Variants in RIPOR2 observed in about 807,000 individuals in gnomAD.
The protein encoded by RIPOR2 is rho family-interacting cell polarization regulator 2.
A neutral mutation model predicts 114.5 loss-of-function variants in RIPOR2; 39 were observed. The ratio of observed to expected loss-of-function variants is 0.34; its 90% CI spans 0.26 to 0.44. RIPOR2 has a LOEUF of 0.44. Ranked by LOEUF, RIPOR2 falls within the 20% of genes least tolerant of loss-of-function variation. The pLI is 1.00. For synonymous variants in RIPOR2, 445 were observed against 484.4 expected, an observed-to-expected ratio of 0.92 and a Z score of 1.07; for missense variants, 1,007 against 1,255.1, an observed-to-expected ratio of 0.80 and a Z score of 2.99.
intron 1 of RIPOR2, chr6:24,877,355 G>A (rs779365064): frequency 4.1e-6 from 4 of 985,266 alleles, no homozygotes; most frequent in Non-Finnish European, 4.8e-6. Flanking sequence ...GCATTCTTGC[G>A]AGGTACAGGT....
intron 21 of RIPOR2, among the ~76,000 whole-genome samples, chr6:24,808,758 T>G (rs1780936124): frequency 1.5e-5 from 1 of 68,922 alleles, no homozygotes; most frequent in South Asian, 9.2e-4. Context: ...ATTTATACTT[T>G]TTTCTTTTTT....
rs1475213008 is a variant in RIPOR2, at chr6:25,034,102, A to ATG, written c.76+7748_76+7749insCA. 1.1e-4 allele frequency among the ~76,000 whole-genome samples: 17 copies of ATG among 151,454 alleles called. No homozygotes were observed. In the East Asian group the frequency reaches 2.7e-3, roughly 24 times the overall value. ...AACTACAAAAAGGTTTTATATATAT[A>ATG]TATATTTAGTATATTTTACAAAAGA... On this transcript the variant is annotated intron_variant, in intron 1 of 13. Transcript: ENST00000510784.
At chr6:24,956,702 G>A (rs2114213043) in intron 1 of RIPOR2, among the ~76,000 whole-genome samples, 1 of 152,274 alleles carries the variant, frequency 6.6e-6, no homozygotes, top group South Asian at 2.1e-4. Context: ...AGAGGCTGGA[G>A]TTTTAATAAC....
At chr6:24,836,873 G>A (rs575966076) in intron 14 of RIPOR2, among the ~76,000 whole-genome samples, 8 of 151,892 alleles carry the variant, frequency 5.3e-5, no homozygotes, top group African/African-American at 1.9e-4. Context: ...TAATACTTCT[G>A]ATGACATATA....
At chr6:24,958,870 A>G (rs1773166195) in intron 1 of RIPOR2, among the ~76,000 whole-genome samples, 1 of 150,748 alleles carries the variant, frequency 6.6e-6, no homozygotes, top group Non-Finnish European at 1.5e-5. Flanking sequence ...AATCCCTTCC[A>G]TGCCTCCTCT....
chr6:25,001,054 A>C (rs951747834), intron 1 of RIPOR2, among the ~76,000 whole-genome samples: 1 of 152,188 alleles, frequency 6.6e-6, no homozygotes, highest in African/African-American at 2.4e-5. Context: ...GAATTCAATT[A>C]ATCTGGTGCA....
chr6:24,973,316 T>C (rs148133381), intron 1 of RIPOR2, among the ~76,000 whole-genome samples: 1 of 152,148 alleles, frequency 6.6e-6, no homozygotes, highest in Non-Finnish European at 1.5e-5. Context: ...AACATCATCC[T>C]TCTAGGCTGG....
At chr6:24,879,303 G>A (rs528682855) in intron 1 of RIPOR2, among the ~76,000 whole-genome samples, 8 of 152,266 alleles carry the variant, frequency 5.3e-5, no homozygotes, top group East Asian at 3.9e-4. Context: ...AGGAGATCGC[G>A]CCACTGTACT....
chr6:24,906,191 C>T (rs1232219245), intron 1 of RIPOR2, among the ~76,000 whole-genome samples: 1 of 152,170 alleles, frequency 6.6e-6, no homozygotes, highest in Non-Finnish European at 1.5e-5. Flanking sequence ...TTCCTACCTT[C>T]AGTCTAGATC....
At chr6:24,956,256 ATC>A (rs1773039475) in intron 1 of RIPOR2, among the ~76,000 whole-genome samples, 1 of 152,176 alleles carries the variant, frequency 6.6e-6, no homozygotes, top group Non-Finnish European at 1.5e-5. Context: ...TATCTCATAA[ATC>A]TCTTTTTCCC....
Position 24,840,106 on chromosome 6 carries a change from C to T in RIPOR2, c.1858-834G>A, listed in dbSNP as rs1761539887. On this transcript the variant is annotated intron_variant, in intron 13 of 21. Coordinates refer to ENST00000643898, the MANE Select transcript of RIPOR2 (RefSeq NM_001286445.3). Reference sequence around the variant, plus strand: ...CTGAGACCACAGGCATGTGCCACCACACCAGGCTAATTTTTTTCTTTTATT... The same window carrying T: ...CTGAGACCACAGGCATGTGCCACCATACCAGGCTAATTTTTTTCTTTTATT... 3 of 698,620 alleles carry T rather than the reference C, an allele frequency of 4.3e-6. No homozygotes were observed. In the Admixed American group the frequency reaches 1.8e-4, roughly 42 times the overall value. 43.3% of individuals were successfully genotyped at this position (698,620 alleles called of 1,614,324 possible). A position where few individuals can be genotyped will look rare whatever the true frequency, so the allele number is the denominator to read the frequency against.
chr6:25,011,825 T>C (rs1311160206), intron 1 of RIPOR2, among the ~76,000 whole-genome samples: 2 of 152,204 alleles, frequency 1.3e-5, no homozygotes, highest in African/African-American at 4.8e-5. Context: ...CGTTATGTAA[T>C]GATTTCTTAG....
At chr6:24,974,319 G>A (rs774003577) in intron 1 of RIPOR2, among the ~76,000 whole-genome samples, 3 of 152,142 alleles carry the variant, frequency 2.0e-5, no homozygotes, top group African/African-American at 4.8e-5. Context: ...GCAGTGAGCC[G>A]TGATCGTGCC....
At chr6:24,893,394 T>G (rs1446071982) in intron 1 of RIPOR2, among the ~76,000 whole-genome samples, 1 of 152,168 alleles carries the variant, frequency 6.6e-6, no homozygotes, top group East Asian at 1.9e-4. Flanking sequence ...TTACCCCCTT[T>G]ATGGAGCACT....
intron 1 of RIPOR2, among the ~76,000 whole-genome samples, chr6:25,012,214 G>C (rs1775802017): frequency 6.6e-6 from 1 of 152,136 alleles, no homozygotes. Context: ...AAAAAAGATA[G>C]ATAATATAAT....
chr6:25,006,599 C>T lies in RIPOR2; in HGVS notation c.76+35252G>A, dbSNP rs539537695. 8.5e-4 allele frequency among the ~76,000 whole-genome samples: 130 copies of T among 152,282 alleles called. 1 individual carries two copies. The highest frequency in any genetic ancestry group is 2.9e-3 in the African/African-American group (122 of 41,552). On this transcript the variant is annotated intron_variant, in intron 1 of 13. Coordinates refer to the RIPOR2 transcript ENST00000510784. ...TCTGTTCTTTTTTTGAAGAGTTCAT[C>T]CCCTGTGTCCTCCAGGCACAGGTGA...
intron 1 of RIPOR2, among the ~76,000 whole-genome samples, chr6:24,933,088 T>C (rs1771526488): frequency 6.6e-6 from 1 of 152,210 alleles, no homozygotes; most frequent in Admixed American, 6.5e-5. Context: ...TAACAACTTG[T>C]TCAGTGCTAT....
chr6:24,918,128 G>T (rs922583869), intron 1 of RIPOR2, among the ~76,000 whole-genome samples: 1 of 152,188 alleles, frequency 6.6e-6, no homozygotes, highest in South Asian at 2.1e-4. Flanking sequence ...AACAGGAGAT[G>T]AAAGTGAGGT....
intron 1 of RIPOR2, among the ~76,000 whole-genome samples, chr6:24,993,480 T>C (rs1403190437): frequency 1.3e-5 from 2 of 152,286 alleles, no homozygotes; most frequent in African/African-American, 2.4e-5. Flanking sequence ...AGTGTCATTA[T>C]GTGTGAGATG....
Sources: gnomAD v4.1 joint callset for allele counts (sites outside exome capture counted in the v4.1 genomes callset) on GRCh38, gnomAD v4.1.1 for gene constraint, MANE v1.5 for transcripts, NCBI Gene and HGNC (gene_info 2026-07-23, HGNC 2026-07-21) for gene names.